MTM1: variants seen among roughly 807,000 people sequenced by gnomAD.
The protein encoded by MTM1 is myotubularin 1.
Under a neutral mutation model 52.1 loss-of-function variants are expected in MTM1, and 9 were observed. The observed-to-expected ratio is 0.17, with a 90% confidence interval of 0.10 to 0.30. The LOEUF is 0.30. Among genes scored for constraint, MTM1 ranks in the 10% least tolerant of loss-of-function variants. The pLI is 1.00. For missense variants in MTM1, 277 were observed against 470.7 expected (o/e 0.59, Z 3.81); for synonymous variants, 136 against 163.8 (o/e 0.83, Z 1.29).
intron 1 of MTM1, among the ~76,000 whole-genome samples, chrX:150,584,004 A>G (rs1265290808): frequency 4.5e-5 from 4 of 88,458 alleles, no homozygotes; most frequent in Non-Finnish European, 8.5e-5. Context: ...TATATATTAA[A>G]TATATATTTC....
intron 5 of MTM1, among the ~76,000 whole-genome samples, chrX:150,615,919 G>C: frequency 9.0e-6 from 1 of 110,913 alleles, no homozygotes. Flanking sequence ...TCTACCCTTT[G>C]GGGCCTAGAA....
intron 1 of MTM1, among the ~76,000 whole-genome samples, chrX:150,586,716 C>A (rs1312958478): frequency 9.1e-6 from 1 of 110,390 alleles, no homozygotes; most frequent in Non-Finnish European, 1.9e-5. Flanking sequence ...GGGTTCAAGA[C>A]CAGCCTGGCC....
intron 14 of MTM1, among the ~76,000 whole-genome samples, chrX:150,667,880 T>C (rs1479406924): frequency 2.7e-5 from 3 of 112,479 alleles, no homozygotes; most frequent in Non-Finnish European, 5.6e-5. Context: ...GTGGGTAGAA[T>C]GGTGTGTCCC....
At chrX:150,605,288 T>C (rs1216337576) in intron 4 of MTM1, among the ~76,000 whole-genome samples, 2 of 111,974 alleles carry the variant, frequency 1.8e-5, no homozygotes, top group Non-Finnish European at 3.8e-5. Flanking sequence ...AATGGGGGCT[T>C]TTAAGGCTTC....
At chrX:150,610,857 C>G (rs1047014784) in intron 4 of MTM1, among the ~76,000 whole-genome samples, 1 of 111,804 alleles carries the variant, frequency 8.9e-6, no homozygotes, top group Non-Finnish European at 1.9e-5. Flanking sequence ...TTTCAAACAT[C>G]CTTGCTTCCA....
intron 4 of MTM1, among the ~76,000 whole-genome samples, chrX:150,605,318 C>T (rs2039137600): frequency 1.8e-5 from 2 of 112,077 alleles, no homozygotes; most frequent in Non-Finnish European, 3.8e-5. Flanking sequence ...AGATCCTAAC[C>T]CTTGGTCAGT....
chrX:150,606,584 C>T (rs1289788399), intron 4 of MTM1, among the ~76,000 whole-genome samples: 1 of 111,458 alleles, frequency 9.0e-6, no homozygotes, highest in Non-Finnish European at 1.9e-5. Context: ...CTTGTCACCA[C>T]CTAAGGAGGT....
chrX:150,646,019 C>CT, intron 9 of MTM1, 148 bp downstream of exon 9: 1 of 541,362 alleles, frequency 1.8e-6, no homozygotes, highest in Non-Finnish European at 3.1e-6. Flanking sequence ...TAGTTTTAAT[C>CT]ACAAAACTTA....
chrX:150,603,388 C>T (rs1201447920), intron 4 of MTM1, among the ~76,000 whole-genome samples: 2 of 111,562 alleles, frequency 1.8e-5, no homozygotes, highest in Non-Finnish European at 1.9e-5. Context: ...GAAGAGAACT[C>T]CAGCTGCAGT....
chrX:150,575,782 C>T (rs1261463599), intron 1 of MTM1, among the ~76,000 whole-genome samples: 4 of 111,451 alleles, frequency 3.6e-5, no homozygotes, highest in African/African-American at 1.3e-4. Flanking sequence ...ACATTTTTTT[C>T]GGTCATAAGT....
At chrX:150,592,739 T>C (rs896480741) in intron 2 of MTM1, 62 bp downstream of exon 2, 3 of 783,714 alleles carry the variant, frequency 3.8e-6, no homozygotes, top group Non-Finnish European at 5.9e-6. Flanking sequence ...ATTTGAATAT[T>C]AGGTCATTTT....
intron 14 of MTM1, among the ~76,000 whole-genome samples, chrX:150,666,438 C>T (rs1557414937): frequency 8.9e-6 from 1 of 112,285 alleles, no homozygotes; most frequent in African/African-American, 3.2e-5. Context: ...TACTGTTACC[C>T]GATTTCTTTT....
chrX:150,664,128 T>C (rs1223181425), intron 14 of MTM1, among the ~76,000 whole-genome samples: 3 of 112,225 alleles, frequency 2.7e-5, no homozygotes, highest in African/African-American at 9.7e-5. Context: ...AAACAATGAG[T>C]TTGAAGTGAA....
intron 4 of MTM1, among the ~76,000 whole-genome samples, chrX:150,604,811 T>C (rs1291493137): frequency 9.0e-6 from 1 of 111,073 alleles, no homozygotes; most frequent in African/African-American, 3.3e-5. Flanking sequence ...AACTCTCCTT[T>C]CCTACCTTAT....
rs1034148516 is a variant in MTM1, at chrX:150,614,136, C to T, written c.232-453C>T. Among the ~76,000 whole-genome samples, 3 of 111,984 alleles carry T rather than the reference C, an allele frequency of 2.7e-5. No homozygotes were observed. In the Admixed American group the frequency reaches 2.8e-4, roughly 11 times the overall value. ...AGAGGTGATGCTTGCTGAGCCAAGG[C>T]GAAAGTCATGGGGACAATTTTGGTA... On this transcript the variant is annotated intron_variant, in intron 4 of 14. Transcript: ENST00000370396.
chrX:150,632,256 T>C, intron 6 of MTM1, among the ~76,000 whole-genome samples: 1 of 111,820 alleles, frequency 8.9e-6, no homozygotes, highest in East Asian at 2.8e-4. Flanking sequence ...GGAGCATTTG[T>C]CAGGCAGAAA....
At chrX:150,638,590 CCTT>C (rs1475042273) in intron 6 of MTM1, among the ~76,000 whole-genome samples, 1 of 111,781 alleles carries the variant, frequency 8.9e-6, no homozygotes, top group African/African-American at 3.3e-5. Context: ...TTCTTCCTTT[CCTT>C]CTTTCTTTTT....
rs149914085 is a variant in MTM1 at position 150,573,840 on chromosome X, A to C, written c.-11+5178A>C. ...TGAAATAAGAAATGTACCTGCCTGC[A>C]CAGCAGTGACCCTTGGCCATGACAT... On this transcript the variant is annotated intron_variant, in intron 1 of 14. Coordinates refer to ENST00000370396, the MANE Select transcript of MTM1 (RefSeq NM_000252.3). Among the ~76,000 whole-genome samples the C allele has an allele frequency of 3.7e-3, 412 of 112,404 alleles. 3 individuals carry two copies. Among genetic ancestry groups the C allele is most frequent in the African/African-American group, 0.012 (373 of 30,939 alleles).
At chrX:150,652,013 G>A (rs1261480490) in intron 10 of MTM1, among the ~76,000 whole-genome samples, 1 of 110,955 alleles carries the variant, frequency 9.0e-6, no homozygotes, top group East Asian at 2.8e-4. Flanking sequence ...GAAAATAGAG[G>A]TAATGAATAT....
Sources: allele counts gnomAD v4.1 joint callset (sites outside exome capture counted in the v4.1 genomes callset), GRCh38; gene constraint gnomAD v4.1.1; transcripts MANE v1.5; gene names NCBI Gene and HGNC (gene_info 2026-07-23, HGNC 2026-07-21).